Variants in APBA1 observed in about 807,000 individuals in gnomAD.
APBA1 encodes the protein amyloid beta precursor protein binding family A member 1, also known as amyloid-beta A4 precursor protein-binding family A member 1.
In APBA1, 55 loss-of-function variants were observed where a neutral mutation model predicts 86.6. The observed-to-expected ratio is 0.64, with a 90% confidence interval of 0.51 to 0.80. The LOEUF (loss-of-function observed/expected upper bound fraction) is 0.80. APBA1 is among the 30% of genes least tolerant of loss of function. The pLI, the probability that APBA1 is intolerant of heterozygous loss-of-function variation, is 0.00. For synonymous variants in APBA1, 511 were observed against 493.9 expected (o/e 1.03, Z -0.46); for missense variants, 1,090 against 1,183.0 (o/e 0.92, Z 1.15).
At position 69,449,579 on chromosome 9, in the gene APBA1, G is replaced by C; in HGVS notation, c.2181+5C>G. On this transcript the variant is annotated splice_donor_5th_base_variant and intron_variant, in intron 10 of 12. Transcript: ENST00000265381. ...CATCAACTGATTTTTCCCATATTCAGGTACCTTAATAATGCTCTGGCAGGT... is the reference window on the plus strand; with the variant it reads ...CATCAACTGATTTTTCCCATATTCACGTACCTTAATAATGCTCTGGCAGGT... The C allele has an allele frequency of 6.2e-7, 1 of 1,612,566 alleles. No individual in the cohort carries two copies. The highest frequency in any genetic ancestry group is 8.5e-7 in the Non-Finnish European group (1 of 1,179,154).
chr9:69,565,990 C>G (rs868750593), intron 1 of APBA1, among the ~76,000 whole-genome samples: 4 of 152,220 alleles, frequency 2.6e-5, no homozygotes, highest in African/African-American at 9.6e-5. Flanking sequence ...ACCGACCAAC[C>G]CAGTTTCATC....
chr9:69,594,615 G>A (rs12553941), intron 1 of APBA1, among the ~76,000 whole-genome samples: 11,312 of 152,146 alleles, frequency 0.074, 582 homozygotes, highest in African/African-American at 0.14. Context: ...ATGATTATAT[G>A]ATTATGATTG....
At chr9:69,511,072 G>C (rs568827795) in intron 2 of APBA1, among the ~76,000 whole-genome samples, 1 of 152,012 alleles carries the variant, frequency 6.6e-6, no homozygotes, top group African/African-American at 2.4e-5. Context: ...ATGGACAAAT[G>C]GGATCTAATT....
Position 69,526,207 on chromosome 9 carries a change from CAA to C in APBA1, c.-69-8930_-69-8929del, listed in dbSNP as rs1836339770. On this transcript the variant is annotated intron_variant, in intron 1 of 12. Coordinates refer to ENST00000265381, the MANE Select transcript of APBA1 (RefSeq NM_001163.4). ...TCCTCAAAAGCAATAGCAACAAACA[CAA>C]AGATTGACAAGTGGAACATAATTAA... Among the ~76,000 whole-genome samples the C allele has an allele frequency of 3.3e-5, 5 of 152,044 alleles. No homozygotes were observed. The South Asian group carries it at 1.0e-3, about 32-fold the overall frequency.
chr9:69,550,645 C>T (rs189279912), intron 1 of APBA1, among the ~76,000 whole-genome samples: 88 of 152,286 alleles, frequency 5.8e-4, no homozygotes, highest in Non-Finnish European at 1.1e-3. Flanking sequence ...AAGGTCTTTG[C>T]CCTCATGGAA....
At chr9:69,669,219 T>G (rs1802700138) in intron 1 of APBA1, among the ~76,000 whole-genome samples, 1 of 152,224 alleles carries the variant, frequency 6.6e-6, no homozygotes, top group Admixed American at 6.5e-5. Context: ...ATTCTCTCAA[T>G]TTTAGCAACA....
At chr9:69,666,722 C>T (rs1823847309) in intron 1 of APBA1, among the ~76,000 whole-genome samples, 1 of 152,124 alleles carries the variant, frequency 6.6e-6, no homozygotes, top group Non-Finnish European at 1.5e-5. Flanking sequence ...CTAAAGGGTT[C>T]ACAATCATTT....
At chr9:69,588,943 G>A (rs1822074620) in intron 1 of APBA1, among the ~76,000 whole-genome samples, 1 of 151,998 alleles carries the variant, frequency 6.6e-6, no homozygotes, top group South Asian at 2.1e-4. Flanking sequence ...GGGAAGAATA[G>A]TATCTTCTCA....
intron 1 of APBA1, among the ~76,000 whole-genome samples, chr9:69,618,642 C>T (rs892436804): frequency 1.3e-5 from 2 of 152,100 alleles, no homozygotes; most frequent in African/African-American, 2.4e-5. Context: ...GACAAGGGCA[C>T]CAGGTAGGGC....
At chr9:69,607,652 C>G (rs1222867855) in intron 1 of APBA1, among the ~76,000 whole-genome samples, 2 of 152,120 alleles carry the variant, frequency 1.3e-5, no homozygotes, top group African/African-American at 4.8e-5. Context: ...ACATTTTTCC[C>G]AAATACTTTG....
chr9:69,523,413 A>G (rs1258140557), intron 1 of APBA1, among the ~76,000 whole-genome samples: 2 of 149,076 alleles, frequency 1.3e-5, no homozygotes, highest in South Asian at 2.1e-4. Flanking sequence ...AGAGCATTAC[A>G]TAATGATAAA....
upstream of APBA1, chr9:69,672,675 C>G (rs1386529787): frequency 6.6e-6 from 1 of 152,026 alleles, no homozygotes. Context: ...CGTCCGGGTT[C>G]CGAAGGGCCC....
At chr9:69,462,664 T>C (rs1327104170) in intron 5 of APBA1, 1 of 152,220 alleles carries the variant, frequency 6.6e-6, no homozygotes, top group Non-Finnish European at 1.5e-5. Flanking sequence ...AGGTCTATTT[T>C]CTTGAGCTTA....
intron 1 of APBA1, among the ~76,000 whole-genome samples, chr9:69,669,148 CA>C (rs1227511243): frequency 2.0e-5 from 3 of 152,152 alleles, no homozygotes; most frequent in Non-Finnish European, 4.4e-5. Context: ...AGGCAATTAA[CA>C]AATGTTTGCA....
intron 1 of APBA1, among the ~76,000 whole-genome samples, chr9:69,616,415 T>C (rs1323985175): frequency 1.3e-5 from 2 of 152,198 alleles, no homozygotes; most frequent in Non-Finnish European, 2.9e-5. Context: ...ATTGATGCAA[T>C]ACCTTTAAGC....
chr9:69,447,779 G>A (rs1197895358), intron 10 of APBA1, among the ~76,000 whole-genome samples: 1 of 152,134 alleles, frequency 6.6e-6, no homozygotes, highest in African/African-American at 2.4e-5. Flanking sequence ...CAGCAAGTCA[G>A]TCCACACATA....
intron 9 of APBA1, among the ~76,000 whole-genome samples, chr9:69,451,860 T>A (rs1010197705): frequency 6.6e-6 from 1 of 152,212 alleles, no homozygotes; most frequent in African/African-American, 2.4e-5. Flanking sequence ...CCTATCTGCC[T>A]CTGGGACCCA....
chr9:69,657,524 C>T (rs1823636195), intron 1 of APBA1, among the ~76,000 whole-genome samples: 1 of 152,134 alleles, frequency 6.6e-6, no homozygotes, highest in South Asian at 2.1e-4. Flanking sequence ...CCTGCTTAGC[C>T]CAATGAGATC....
chr9:69,664,142 A>G (rs1195858650), intron 1 of APBA1, among the ~76,000 whole-genome samples: 1 of 152,212 alleles, frequency 6.6e-6, no homozygotes, highest in Non-Finnish European at 1.5e-5. Flanking sequence ...CCGGAAATAA[A>G]CTCAATCAAC....
Sources: gnomAD v4.1 joint callset for allele counts (sites outside exome capture counted in the v4.1 genomes callset) on GRCh38, gnomAD v4.1.1 for gene constraint, MANE v1.5 for transcripts, NCBI Gene and HGNC (gene_info 2026-07-23, HGNC 2026-07-21) for gene names.